The following KCNJ16 variants were observed in gnomAD, a reference collection of about 807,000 sequenced individuals.
KCNJ16 encodes potassium inwardly rectifying channel subfamily J member 16, also known as inward rectifier potassium channel 16.
A neutral mutation model predicts 18.5 loss-of-function variants in KCNJ16; 15 were observed. The ratio of observed to expected loss-of-function variants is 0.81; its 90% CI spans 0.54 to 1.25. KCNJ16 has a LOEUF of 1.25. Among genes scored for constraint, KCNJ16 ranks in the 50% most tolerant of loss-of-function variants. The pLI is 0.00. For synonymous variants in KCNJ16, 174 were observed against 186.5 expected, an observed-to-expected ratio of 0.93 and a Z score of 0.55; for missense variants, 523 against 525.7, an observed-to-expected ratio of 0.99 and a Z score of 0.05.
intron 1 of KCNJ16, among the ~76,000 whole-genome samples, chr17:70,079,729 G>A (rs2071470579): frequency 6.6e-6 from 1 of 152,114 alleles, no homozygotes; most frequent in Non-Finnish European, 1.5e-5. Context: ...TTTAGATGGA[G>A]TCTCACTCTA....
chr17:70,092,562 TAGATATAGATAG>T (rs1567782604), intron 1 of KCNJ16, among the ~76,000 whole-genome samples: 1 of 49,826 alleles, frequency 2.0e-5, no homozygotes, highest in African/African-American at 6.0e-5. Flanking sequence ...AGATAGATGA[TAGATATAGATAG>T]ATAGATAGAT....
At chr17:70,105,378 G>C (rs1308865703) in intron 2 of KCNJ16, among the ~76,000 whole-genome samples, 1 of 152,188 alleles carries the variant, frequency 6.6e-6, no homozygotes, top group African/African-American at 2.4e-5. Flanking sequence ...TTAGCCAGCT[G>C]ACATAACTTA....
chr17:70,103,286 A>ATGTGTG (rs1555589099), intron 2 of KCNJ16, among the ~76,000 whole-genome samples: 129 of 103,804 alleles, frequency 1.2e-3, no homozygotes, highest in African/African-American at 4.8e-3. Flanking sequence ...ATATGCATAT[A>ATGTGTG]TGTGTGTGTG....
intron 2 of KCNJ16, among the ~76,000 whole-genome samples, chr17:70,103,187 AATAT>A (rs994651421): frequency 6.9e-6 from 1 of 144,214 alleles, no homozygotes; most frequent in African/African-American, 2.5e-5. Flanking sequence ...TGTGTATATA[AATAT>A]ATATGTGTAT....
chr17:70,124,027 GGCTGCA>G (rs2144178515), intron 2 of KCNJ16, among the ~76,000 whole-genome samples: 1 of 151,686 alleles, frequency 6.6e-6, no homozygotes, highest in South Asian at 2.1e-4. Flanking sequence ...GAAAGAGGGA[GGCTGCA>G]GCCAAATCAC....
chr17:70,122,310 T>A (rs2073673911), intron 2 of KCNJ16, among the ~76,000 whole-genome samples: 1 of 151,620 alleles, frequency 6.6e-6, no homozygotes, highest in African/African-American at 2.4e-5. Context: ...GTAGCTGGGA[T>A]TACAGGCACC....
In KCNJ16 at chr17:70,098,215, A is replaced by G. The variant is rs189148266; in HGVS notation, c.-299-2443A>G. Among the ~76,000 whole-genome samples the G allele has an allele frequency of 9.8e-5, 15 of 152,320 alleles. No individual in the cohort carries two copies. The East Asian group carries it at 1.7e-3, about 18-fold the overall frequency. On this transcript the variant is annotated intron_variant, in intron 1 of 3. Coordinates refer to ENST00000392671, the MANE Select transcript of KCNJ16 (RefSeq NM_170741.4). Reference sequence around the variant, plus strand: ...AACGAGTTTGGTTCAGTATGAATAGAGTAAGGGTGTAAATTGCACCCTTGG... The same window carrying G: ...AACGAGTTTGGTTCAGTATGAATAGGGTAAGGGTGTAAATTGCACCCTTGG...
intron 1 of KCNJ16, among the ~76,000 whole-genome samples, chr17:70,090,656 G>A (rs1426603573): frequency 6.6e-6 from 1 of 151,782 alleles, no homozygotes; most frequent in Non-Finnish European, 1.5e-5. Context: ...GCACAATACC[G>A]CTAACCCACT....
intron 2 of KCNJ16, among the ~76,000 whole-genome samples, chr17:70,110,104 G>C (rs569360471): frequency 9.9e-5 from 15 of 152,250 alleles, no homozygotes; most frequent in Non-Finnish European, 1.5e-4. Context: ...CTGCTTCCCA[G>C]TCTCAGGCAT....
rs768655746 is a variant in KCNJ16, at chr17:70,132,803, A to G, written c.716A>G (p.Lys239Arg). The G allele has an allele frequency of 4.9e-5, 79 of 1,613,882 alleles. No individual in the cohort carries two copies. The Admixed American group carries it at 8.7e-4, about 18-fold the overall frequency. Residue 239 changes from lysine to arginine, a missense_variant, in exon 4 of 4, where the codon AAA becomes AGA. Physicochemically the swap from Lys to Arg is conservative, Grantham distance 26. Coordinates refer to ENST00000392671, the MANE Select transcript of KCNJ16 (RefSeq NM_170741.4). The stretch of plus-strand genomic sequence containing the variant: ...ATGACGATGGCATTTAAAGACCTCA[A>G]ATTAGTCAACGACCAAATCATCCTG... ...GRMTMAFKDL[K>R]LVNDQIILVT...
chr17:70,114,836 T>C (rs2073339500), intron 2 of KCNJ16, among the ~76,000 whole-genome samples: 1 of 152,204 alleles, frequency 6.6e-6, no homozygotes, highest in Non-Finnish European at 1.5e-5. Context: ...GATATTAATC[T>C]ACATAAGATA....
At position 70,133,038 on chromosome 17, in the gene KCNJ16, G is replaced by A. The variant is rs1482421343; in HGVS notation, c.951G>A (p.Lys317=). ...GGTTTAATGATGTCTTGGAAGTTAAGAGGAAGTATTACAAAGTGAACTGCT... is the reference window on the plus strand; with the variant it reads ...GGTTTAATGATGTCTTGGAAGTTAAAAGGAAGTATTACAAAGTGAACTGCT... The part of the protein sequence containing the change: ...GHRFNDVLEV[K]RKYYKVNCLQ... The change falls in exon 4 of 4, where the codon AAG becomes AAA. Residue 317 remains lysine, a synonymous_variant. Transcript: ENST00000392671. 6.2e-7 allele frequency: 1 copy of A among 1,614,028 alleles called. No homozygotes were observed. Among genetic ancestry groups the A allele is most frequent in the African/African-American group, 1.3e-5 (1 of 74,924 alleles).
intron 1 of KCNJ16, among the ~76,000 whole-genome samples, chr17:70,086,127 T>C (rs930972161): frequency 7.9e-5 from 12 of 152,188 alleles, no homozygotes; most frequent in African/African-American, 2.9e-4. Flanking sequence ...TAATTCAAGA[T>C]AATATAAATA....
At chr17:70,097,885 T>C (rs10221237) in intron 1 of KCNJ16, among the ~76,000 whole-genome samples, 126,917 of 152,128 alleles carry the variant, frequency 0.83, 53,102 homozygotes, top group East Asian at 0.96. Flanking sequence ...TGAATCTGTT[T>C]CCTAGGTTAT....
intron 2 of KCNJ16, among the ~76,000 whole-genome samples, chr17:70,114,631 C>G (rs1416892140): frequency 6.6e-6 from 1 of 152,066 alleles, no homozygotes; most frequent in Non-Finnish European, 1.5e-5. Context: ...TACAAAATGA[C>G]TTCTATTCTT....
intron 1 of KCNJ16, among the ~76,000 whole-genome samples, chr17:70,098,549 A>C (rs1218432605): frequency 6.6e-6 from 1 of 151,996 alleles, no homozygotes; most frequent in East Asian, 1.9e-4. Flanking sequence ...AAAAAAAAAA[A>C]ACCTTTATGG....
chr17:70,131,674 T>G (rs1218514240), intron 3 of KCNJ16, among the ~76,000 whole-genome samples: 1 of 152,228 alleles, frequency 6.6e-6, no homozygotes, highest in East Asian at 1.9e-4. Flanking sequence ...AATGCCCTCA[T>G]GCAAGAATAG....
chr17:70,087,266 G>C (rs2071845889), intron 1 of KCNJ16, among the ~76,000 whole-genome samples: 1 of 152,122 alleles, frequency 6.6e-6, no homozygotes, highest in Non-Finnish European at 1.5e-5. Context: ...GGAATACTAA[G>C]ACTCAGGTAA....
At chr17:70,087,064 A>ATT (rs2071831001) in intron 1 of KCNJ16, among the ~76,000 whole-genome samples, 1 of 43,300 alleles carries the variant, frequency 2.3e-5, no homozygotes, top group African/African-American at 9.6e-5. Context: ...ACACCTAGCT[A>ATT]CTTTTTTTTT....
Sources: allele counts gnomAD v4.1 joint callset (sites outside exome capture counted in the v4.1 genomes callset), GRCh38; gene constraint gnomAD v4.1.1; transcripts MANE v1.5; gene names NCBI Gene and HGNC (gene_info 2026-07-23, HGNC 2026-07-21).